HDAC9: variants seen among roughly 807,000 people sequenced by gnomAD.
HDAC9 encodes the protein MEF-2 interacting transcription repressor (MITR) protein.
HDAC9 carries 41 observed loss-of-function variants against 139.4 expected under a neutral mutation model. The ratio of observed to expected loss-of-function variants is 0.29; its 90% CI spans 0.23 to 0.38. The LOEUF (loss-of-function observed/expected upper bound fraction) is 0.38. HDAC9 is among the 10% of genes least tolerant of loss of function. The pLI, the probability that HDAC9 is intolerant of heterozygous loss-of-function variation, is 1.00. For missense variants in HDAC9, 1,147 were observed against 1,297.0 expected (o/e 0.88, Z 1.78); for synonymous variants, 517 against 476.2 (o/e 1.09, Z -1.12).
At chr7:18,373,458 A>G (rs908445744) in intron 1 of HDAC9, among the ~76,000 whole-genome samples, 1 of 152,228 alleles carries the variant, frequency 6.6e-6, no homozygotes, top group Non-Finnish European at 1.5e-5. Flanking sequence ...TTACAATACA[A>G]AAAGATGTAT....
intron 21 of HDAC9, among the ~76,000 whole-genome samples, chr7:18,845,985 G>A (rs1796878220): frequency 6.6e-6 from 1 of 152,100 alleles, no homozygotes; most frequent in Non-Finnish European, 1.5e-5. Context: ...GTGTCACAAG[G>A]GCCGTAGTGG....
chr7:18,398,052 C>T (rs1787213135), intron 1 of HDAC9, among the ~76,000 whole-genome samples: 1 of 152,140 alleles, frequency 6.6e-6, no homozygotes, highest in Non-Finnish European at 1.5e-5. Flanking sequence ...TTTAAATACC[C>T]AACCTGAAAT....
At chr7:18,472,621 G>A (rs1794810770) in intron 1 of HDAC9, among the ~76,000 whole-genome samples, 1 of 152,094 alleles carries the variant, frequency 6.6e-6, no homozygotes, top group Admixed American at 6.6e-5. Flanking sequence ...CCTTCCTTAC[G>A]TATTTACAAG....
At chr7:18,109,866 C>T (rs1783493094) in intron 1 of HDAC9, among the ~76,000 whole-genome samples, 1 of 152,184 alleles carries the variant, frequency 6.6e-6, no homozygotes, top group Admixed American at 6.5e-5. Flanking sequence ...TCTAGGCATG[C>T]TTCTGAGCAG....
At chr7:18,445,650 T>C (rs959421652) in intron 1 of HDAC9, among the ~76,000 whole-genome samples, 1 of 152,236 alleles carries the variant, frequency 6.6e-6, no homozygotes, top group Non-Finnish European at 1.5e-5. Flanking sequence ...TGCTCTCCTG[T>C]ATGTTATAAC....
At chr7:18,660,221 T>C (rs1378670177) in intron 11 of HDAC9, among the ~76,000 whole-genome samples, 1 of 152,192 alleles carries the variant, frequency 6.6e-6, no homozygotes, top group Non-Finnish European at 1.5e-5. Context: ...CAAATTTGAC[T>C]GTTTAAACAA....
At chr7:18,779,983 G>A (rs908751147) in intron 16 of HDAC9, among the ~76,000 whole-genome samples, 3 of 152,012 alleles carry the variant, frequency 2.0e-5, no homozygotes, top group Non-Finnish European at 2.9e-5. Flanking sequence ...TAGGAACTCC[G>A]GAATCTGGAT....
chr7:18,405,020 C>T (rs943874139), intron 1 of HDAC9, among the ~76,000 whole-genome samples: 1 of 152,104 alleles, frequency 6.6e-6, no homozygotes, highest in Non-Finnish European at 1.5e-5. Flanking sequence ...GTGGACACAC[C>T]AATTCACCGA....
chr7:18,275,002 T>A (rs1302735713), intron 2 of HDAC9, among the ~76,000 whole-genome samples: 2 of 152,194 alleles, frequency 1.3e-5, no homozygotes, highest in Admixed American at 1.3e-4. Flanking sequence ...CCCAAATTTG[T>A]ATGTCTAGCC....
chr7:18,872,867 A>G (rs1465649839), intron 21 of HDAC9, among the ~76,000 whole-genome samples: 1 of 152,134 alleles, frequency 6.6e-6, no homozygotes, highest in Non-Finnish European at 1.5e-5. Context: ...GAGATGGAAA[A>G]TTGATTACTA....
intron 1 of HDAC9, among the ~76,000 whole-genome samples, chr7:18,413,313 A>G (rs1408255522): frequency 1.3e-5 from 2 of 152,168 alleles, no homozygotes; most frequent in Admixed American, 1.3e-4. Flanking sequence ...CTGGTTCTCT[A>G]GGTTCCATTA....
intron 2 of HDAC9, among the ~76,000 whole-genome samples, chr7:18,186,292 T>A (rs1194268095): frequency 6.6e-6 from 1 of 152,248 alleles, no homozygotes; most frequent in African/African-American, 2.4e-5. Context: ...AGCTTGTACC[T>A]TCTTTACAGG....
chr7:18,469,201 A>G (rs1336128786), intron 1 of HDAC9, among the ~76,000 whole-genome samples: 1 of 152,192 alleles, frequency 6.6e-6, no homozygotes, highest in Non-Finnish European at 1.5e-5. Context: ...GGACCTATGT[A>G]TGTGTATGTG....
At chr7:18,619,492 A>G (rs1453669346) in intron 6 of HDAC9, among the ~76,000 whole-genome samples, 1 of 152,192 alleles carries the variant, frequency 6.6e-6, no homozygotes. Flanking sequence ...CTGGAGCCAT[A>G]TTGCAGTGTT....
chr7:18,699,089 T>C (rs1783266682), intron 12 of HDAC9, among the ~76,000 whole-genome samples: 1 of 152,118 alleles, frequency 6.6e-6, no homozygotes, highest in Non-Finnish European at 1.5e-5. Context: ...GATTCTGGGG[T>C]CTCAAATCCA....
chr7:18,218,424 A>G (rs1295526056), intron 2 of HDAC9, among the ~76,000 whole-genome samples: 6 of 152,044 alleles, frequency 3.9e-5, no homozygotes, highest in Non-Finnish European at 8.8e-5. Flanking sequence ...AGCCTGGGAG[A>G]CAGGGAGAGA....
chr7:18,917,700 T>C (rs1803331311), intron 22 of HDAC9, among the ~76,000 whole-genome samples: 1 of 152,030 alleles, frequency 6.6e-6, no homozygotes, highest in Non-Finnish European at 1.5e-5. Context: ...ATTTTTTTCA[T>C]GTATTCACCT....
At chr7:18,805,733 T>C (rs1793654201) in intron 17 of HDAC9, among the ~76,000 whole-genome samples, 1 of 152,098 alleles carries the variant, frequency 6.6e-6, no homozygotes, top group Non-Finnish European at 1.5e-5. Flanking sequence ...AGTGTTCCCA[T>C]TCATAAGGAA....
At chr7:18,267,571 C>T (rs982105833) in intron 2 of HDAC9, among the ~76,000 whole-genome samples, 1 of 152,154 alleles carries the variant, frequency 6.6e-6, no homozygotes, top group Admixed American at 6.5e-5. Flanking sequence ...TGGCTGATTT[C>T]ACTGAACGTA....
Sources: allele counts gnomAD v4.1 joint callset (sites outside exome capture counted in the v4.1 genomes callset), GRCh38; gene constraint gnomAD v4.1.1; transcripts MANE v1.5; gene names NCBI Gene and HGNC (gene_info 2026-07-23, HGNC 2026-07-21).